The following PARP10 variants were observed in gnomAD, a reference collection of about 807,000 sequenced individuals.
PARP10 encodes the protein protein mono-ADP-ribosyltransferase PARP10.
A neutral mutation model predicts 82.4 loss-of-function variants in PARP10; 56 were observed. The ratio of observed to expected loss-of-function variants is 0.68; its 90% CI spans 0.55 to 0.85. PARP10 has a LOEUF of 0.85. Ranked by LOEUF, PARP10 falls within the 40% of genes least tolerant of loss-of-function variation. PARP10 has a pLI of 0.00. For synonymous variants in PARP10, 576 were observed against 601.1 expected (o/e 0.96, Z 0.61); for missense variants, 1,227 against 1,379.4 (o/e 0.89, Z 1.75).
chr8:143,986,322 TC>T (rs1554749388), intron 1 of PARP10, 35 bp downstream of exon 1: 1 of 1,613,700 alleles, frequency 6.2e-7, no homozygotes, highest in Admixed American at 1.7e-5. Context: ...TCCTCAATGC[TC>T]CCCCATTATG....
chr8:143,986,240 C>T lies in PARP10; in HGVS notation c.3-7G>A, dbSNP rs73715599. Reference sequence around the variant, plus strand: ...TGCCTCCGCCATTGCAACCCTGGGACGGGGCATCAGGTGGGTAGGGAAACA... The same window carrying T: ...TGCCTCCGCCATTGCAACCCTGGGATGGGGCATCAGGTGGGTAGGGAAACA... On this transcript the variant is annotated splice_region_variant and splice_polypyrimidine_tract_variant and intron_variant, in intron 1 of 10. Coordinates refer to ENST00000313028, the MANE Select transcript of PARP10 (RefSeq NM_032789.5). The T allele has an allele frequency of 3.7e-6, 6 of 1,613,936 alleles. No homozygotes were observed. The African/African-American group carries it at 4.0e-5, about 11-fold the overall frequency.
At chr8:144,005,042 G>T (rs1834225293) in intron 1 of PARP10, among the ~76,000 whole-genome samples, 1 of 152,100 alleles carries the variant, frequency 6.6e-6, no homozygotes, top group African/African-American at 2.4e-5. Flanking sequence ...AGCCAGGCGT[G>T]GTGGTGGGCG....
chr8:143,995,826 C>G (rs1353664672), upstream of PARP10, among the ~76,000 whole-genome samples: 1 of 152,206 alleles, frequency 6.6e-6, no homozygotes, highest in African/African-American at 2.4e-5. Context: ...TGTTATCACT[C>G]TGAACACAGA....
Position 144,008,534 on chromosome 8 carries a change from G to A in PARP10, c.-80+3996C>T, listed in dbSNP as rs1554752216. Among the ~76,000 whole-genome samples, 1 of 152,214 alleles carries A rather than the reference G, an allele frequency of 6.6e-6. No homozygotes were observed. Among genetic ancestry groups the A allele is most frequent in the Non-Finnish European group, 1.5e-5 (1 of 68,038 alleles). ...GGACAACACTGGAGGTTTGTTCACA[G>A]TGAGCCCCTAACGGGCCGGGAGGAG... is the stretch of plus-strand genomic sequence containing the variant. On this transcript the variant is annotated intron_variant, in intron 1 of 3. Transcript: ENST00000530478. The surrounding 1 kb of genome is among the most constrained non-coding windows in gnomAD (Gnocchi z 4.0).
chr8:143,994,081 C>T (rs951472459), upstream of PARP10, among the ~76,000 whole-genome samples: 36 of 152,202 alleles, frequency 2.4e-4, no homozygotes, highest in Admixed American at 7.2e-4. Flanking sequence ...TCACACCCCG[C>T]GGCTCTAGGC....
rs1833960546 is a variant in PARP10, at chr8:143,985,300, G to A, written c.702C>T (p.His234=). The A allele has an allele frequency of 6.2e-7, 1 of 1,610,798 alleles. No individual in the cohort carries two copies. ...GGCTCAGCTCTGAGCCCTGCAACCG[G>A]TGCTCCTGCTGCAACACTCGTTCTG... is the stretch of plus-strand genomic sequence containing the variant. ...QVAERVLQQE[H]RLQGSELSLV... is the part of the protein sequence containing the mutation. Residue 234 remains histidine (H), a synonymous_variant, in exon 5 of 11, where the codon CAC becomes CAT. Transcript: ENST00000313028.
In PARP10 at chr8:143,985,833, A is replaced by G. The variant is rs1044184022; in HGVS notation, c.324T>C (p.His108=). ...PGTTPQRLEQ[H]VQALLRASGL... is the part of the protein sequence containing the mutation. ...CCGAGGCCCGCAGCAAGGCCTGGAC[A>G]TGCTGCTCCAAGCGCTGGGGCGTGG... is the stretch of plus-strand genomic sequence containing the variant. Residue 108 remains histidine, a synonymous_variant, in exon 3 of 11, where the codon CAT becomes CAC. Coordinates refer to ENST00000313028, the MANE Select transcript of PARP10 (RefSeq NM_032789.5). 8 of 1,611,242 alleles carry G rather than the reference A, an allele frequency of 5.0e-6. No homozygotes were observed. Among genetic ancestry groups the G allele is most frequent in the Non-Finnish European group, 6.8e-6 (8 of 1,179,268 alleles).
chr8:144,012,109 T>C (rs1834290540), intron 1 of PARP10, among the ~76,000 whole-genome samples: 1 of 152,154 alleles, frequency 6.6e-6, no homozygotes, highest in Admixed American at 6.5e-5. Flanking sequence ...GTAAAGCCAG[T>C]GGACAATGTT....
intron 1 of PARP10, among the ~76,000 whole-genome samples, chr8:143,998,254 G>A (rs11993076): frequency 0.032 from 4,894 of 152,228 alleles, 288 homozygotes; most frequent in African/African-American, 0.11. Flanking sequence ...CCCACCCAGC[G>A]AAGGATCACT....
chr8:144,009,215 T>C (rs1220611815), intron 1 of PARP10, among the ~76,000 whole-genome samples: 3 of 152,204 alleles, frequency 2.0e-5, no homozygotes, highest in African/African-American at 7.2e-5. Flanking sequence ...CTCAGACTTG[T>C]GAATCTGGAC....
chr8:143,992,012 C>G (rs1456040498), upstream of PARP10: 1 of 1,613,776 alleles, frequency 6.2e-7, no homozygotes, highest in Non-Finnish European at 8.5e-7. Context: ...TCTTCTTCAT[C>G]TCTCTCATCG....
intron 6 of PARP10, 32 bp from the exon 7 acceptor site, chr8:143,984,136 T>A (rs1833929023): frequency 6.4e-7 from 1 of 1,565,438 alleles, no homozygotes; most frequent in East Asian, 2.3e-5. Context: ...ACCACTAGCC[T>A]CTGGGCAAGG....
intron 1 of PARP10, among the ~76,000 whole-genome samples, chr8:143,997,290 T>A (rs1285827547): frequency 1.3e-5 from 2 of 152,118 alleles, no homozygotes; most frequent in Non-Finnish European, 2.9e-5. Context: ...CCCACTTCAC[T>A]CTGTCATCCA....
rs1035668116 is a variant in PARP10, at chr8:143,983,687, A to G, written c.1902T>C (p.His634=). Residue 634 remains histidine (H), a synonymous_variant, in exon 8 of 11, where the codon CAT becomes CAC. Transcript: ENST00000313028. The stretch of plus-strand genomic sequence containing the variant: ...TGGGGGCCACAGGCTCCTCCTCCTC[A>G]TGCCCTGGGGTCACCTCCTCCTCTG... ...EQPEEEVTPG[H]EEEEPVAPST... is the part of the protein sequence containing the mutation. The G allele has an allele frequency of 2.5e-6, 4 of 1,609,132 alleles. No homozygotes were observed. The African/African-American group carries it at 4.0e-5, about 16-fold the overall frequency.
At chr8:144,001,524 T>A (rs1834202742) in intron 1 of PARP10, among the ~76,000 whole-genome samples, 1 of 152,038 alleles carries the variant, frequency 6.6e-6, no homozygotes, top group Non-Finnish European at 1.5e-5. Context: ...CTGGCCAACA[T>A]GGTGAAACCC....
upstream of PARP10, chr8:143,991,505 C>A: frequency 6.5e-7 from 1 of 1,538,628 alleles, no homozygotes; most frequent in Non-Finnish European, 8.7e-7. Context: ...AGGGCCCCTA[C>A]CCCCAAGGGG....
At chr8:144,001,312 C>T (rs978940063) in intron 1 of PARP10, among the ~76,000 whole-genome samples, 11 of 152,138 alleles carry the variant, frequency 7.2e-5, no homozygotes, top group African/African-American at 1.2e-4. Context: ...TGGAATCCAG[C>T]GACGCTCCTA....
intron 1 of PARP10, among the ~76,000 whole-genome samples, chr8:144,009,797 G>A (rs782538942): frequency 2.0e-5 from 3 of 151,952 alleles, no homozygotes; most frequent in African/African-American, 7.3e-5. Context: ...CCTCGTTCTC[G>A]CCTTCATCCT....
Position 143,985,933 on chromosome 8 carries a change from C to T in PARP10, c.224G>A (p.Gly75Asp), listed in dbSNP as rs1554749239. Residue 75 changes from glycine to aspartate, a missense_variant, in exon 3 of 11, where the codon GGT becomes GAT. Physicochemically the swap from Gly to Asp is moderately conservative, Grantham distance 94. Transcript: ENST00000313028. ...AGCTGGCCGCAGGCTCAGCTGGGCA[C>T]CATGTAGTTCGTGATCTGCCTGGGC... is the stretch of plus-strand genomic sequence containing the variant. ...VLAQADHELH[G>D]AQLSLRPAPP... 6.3e-7 allele frequency: 1 copy of T among 1,579,574 alleles called. No homozygotes were observed. Among genetic ancestry groups the T allele is most frequent in the Non-Finnish European group, 8.6e-7 (1 of 1,158,996 alleles).
Sources: allele counts gnomAD v4.1 joint callset (sites outside exome capture counted in the v4.1 genomes callset), GRCh38; gene constraint gnomAD v4.1.1; non-coding constraint Gnocchi (gnomAD v3.1); transcripts MANE v1.5; gene names NCBI Gene and HGNC (gene_info 2026-07-23, HGNC 2026-07-21).